TRIM33: variants seen among roughly 807,000 people sequenced by gnomAD.
TRIM33 encodes tripartite motif containing 33.
A neutral mutation model predicts 125.4 loss-of-function variants in TRIM33; 20 were observed. That is an observed-to-expected ratio of 0.16 (90% confidence interval 0.11 to 0.23). TRIM33 has a LOEUF of 0.23. TRIM33 is among the 10% of genes least tolerant of loss of function. The pLI is 1.00. For synonymous variants in TRIM33, 564 were observed against 513.9 expected (o/e 1.10, Z -1.32); for missense variants, 920 against 1,411.4 (o/e 0.65, Z 5.58).
intron 1 of TRIM33, among the ~76,000 whole-genome samples, chr1:114,470,579 T>G (rs1650576604): frequency 6.6e-6 from 1 of 152,076 alleles, no homozygotes; most frequent in African/African-American, 2.4e-5. Flanking sequence ...TAAATAACCC[T>G]GCAATGGCCT....
Position 114,510,801 on chromosome 1 carries a change from GC to G in TRIM33, c.275del (p.Gly92AlafsTer87). ...AASVGTGVAGGAVSTPAPAPA... is the reference protein window; with the variant it reads ...AASVGTGVAGXAVSTPAPAPA... ...GAGCTGGAGCCGGCGTCGATACTGC[GC>G]CCCCGGCAACTCCAGTGCCCACTGA... is the stretch of plus-strand genomic sequence containing the variant. On this transcript the variant is annotated frameshift_variant, in exon 1 of 20. Coordinates refer to ENST00000358465, the MANE Select transcript of TRIM33 (RefSeq NM_015906.4). LOFTEE classifies it high-confidence loss of function. 3 of 1,519,100 alleles carry G rather than the reference GC, an allele frequency of 2.0e-6. No individual in the cohort carries two copies. 94.1% of individuals were successfully genotyped at this position (1,519,100 alleles called of 1,614,324 possible). A position where few individuals can be genotyped will look rare whatever the true frequency, so the allele number is the denominator to read the frequency against.
chr1:114,489,455 CT>C (rs1218812777), intron 1 of TRIM33, among the ~76,000 whole-genome samples: 3 of 152,074 alleles, frequency 2.0e-5, no homozygotes, highest in Non-Finnish European at 2.9e-5. Flanking sequence ...AACTTAAAAA[CT>C]TTTGTGGCCA....
chr1:114,484,945 G>A (rs1237846152), intron 1 of TRIM33, among the ~76,000 whole-genome samples: 3 of 151,648 alleles, frequency 2.0e-5, no homozygotes, highest in Admixed American at 6.6e-5. Context: ...CCACCTACTC[G>A]GGAGGCTGAG....
At chr1:114,500,608 T>TAA (rs76991752) in intron 1 of TRIM33, among the ~76,000 whole-genome samples, 1 of 138,190 alleles carries the variant, frequency 7.2e-6, no homozygotes, top group Non-Finnish European at 1.6e-5. Context: ...ATTTTTTAAT[T>TAA]AAAAAAAAAA....
chr1:114,404,535 T>C (rs550588978), intron 15 of TRIM33: 1 of 152,272 alleles, frequency 6.6e-6, no homozygotes, highest in South Asian at 2.1e-4. Flanking sequence ...CAGTAAATAT[T>C]ACTACCCAAA....
chr1:114,502,100 AC>A (rs1450212094), intron 1 of TRIM33, among the ~76,000 whole-genome samples: 2 of 152,176 alleles, frequency 1.3e-5, no homozygotes, highest in Admixed American at 1.3e-4. Context: ...ATCTATAGTG[AC>A]CTATTTTTAG....
intron 4 of TRIM33, among the ~76,000 whole-genome samples, chr1:114,438,291 C>T (rs115831161): frequency 6.3e-4 from 96 of 152,240 alleles, no homozygotes; most frequent in African/African-American, 2.2e-3. Flanking sequence ...ATAAGAGAAC[C>T]TTTTTAATAA....
intron 4 of TRIM33, among the ~76,000 whole-genome samples, chr1:114,438,125 C>T (rs938851704): frequency 1.3e-5 from 2 of 152,128 alleles, no homozygotes; most frequent in Non-Finnish European, 2.9e-5. Context: ...CTTCAAACTT[C>T]TGAATGTACA....
chr1:114,456,652 T>C (rs1450222594), intron 4 of TRIM33, among the ~76,000 whole-genome samples: 1 of 152,174 alleles, frequency 6.6e-6, no homozygotes, highest in Non-Finnish European at 1.5e-5. Flanking sequence ...GAGATCCCAA[T>C]TTGCACTTAC....
chr1:114,422,480 T>A (rs573422026), intron 10 of TRIM33, among the ~76,000 whole-genome samples: 40 of 146,356 alleles, frequency 2.7e-4, no homozygotes, highest in African/African-American at 1.0e-3. Context: ...ATCTTTTGTA[T>A]GTGCTCTTTA....
intron 4 of TRIM33, among the ~76,000 whole-genome samples, chr1:114,441,616 G>C (rs1044249717): frequency 1.3e-5 from 2 of 152,180 alleles, no homozygotes; most frequent in Non-Finnish European, 2.9e-5. Context: ...AATAATCAGA[G>C]GTAAAGCTGC....
At chr1:114,487,941 T>C (rs1334923276) in intron 1 of TRIM33, among the ~76,000 whole-genome samples, 1 of 120,746 alleles carries the variant, frequency 8.3e-6, no homozygotes, top group East Asian at 2.3e-4. Context: ...TGAGAGTAAA[T>C]ATAATAGATT....
chr1:114,434,612 C>G (rs190244856), intron 4 of TRIM33, among the ~76,000 whole-genome samples: 18 of 152,202 alleles, frequency 1.2e-4, no homozygotes, highest in Middle Eastern at 3.4e-3. Context: ...ACTTTTATTT[C>G]CTTTTTGTAA....
rs543502892 is a variant in TRIM33 at position 114,435,180 on chromosome 1, C to G, written c.924-1447G>C. Among the ~76,000 whole-genome samples the G allele has an allele frequency of 3.0e-4, 45 of 151,968 alleles. 1 individual carries two copies. The highest frequency in any genetic ancestry group is 2.7e-3 in the Admixed American group (41 of 15,256). On this transcript the variant is annotated intron_variant, in intron 4 of 19. Transcript: ENST00000358465. ...ATCATCAAACAGAAATATAAAAGAC[C>G]CAAAGAAGGGAATAGAAGGGAAAGA...
In TRIM33 at chr1:114,397,590, TTTTTTTTTTTTTTTTCG is replaced by T; in HGVS notation, c.*41_*57del. Reference sequence around the variant, plus strand: ...TTAAAAGTTTTCTGGGTTTTTTGTGTTTTTTTTTTTTTTTTCGTTTTTTTTTTTTTAAACAATTGATT... The same window carrying T: ...TTAAAAGTTTTCTGGGTTTTTTGTGTTTTTTTTTTTTTTAAACAATTGATT... On this transcript the variant is annotated 3_prime_UTR_variant, in exon 20 of 20. Transcript: ENST00000358465. The T allele has an allele frequency of 1.2e-5, 7 of 582,160 alleles. No individual in the cohort carries two copies. Among genetic ancestry groups the T allele is most frequent in the South Asian group, 2.1e-5 (1 of 48,034 alleles). The allele number at this position is 582,160 out of a possible 1,614,324, so 36.1% of individuals were successfully genotyped here.
At chr1:114,500,470 C>A (rs1242507479) in intron 1 of TRIM33, among the ~76,000 whole-genome samples, 1 of 152,094 alleles carries the variant, frequency 6.6e-6, no homozygotes, top group African/African-American at 2.4e-5. Context: ...TCCTGAGTAG[C>A]TGGGACTACA....
chr1:114,413,059 G>A (rs1393086538), intron 11 of TRIM33, among the ~76,000 whole-genome samples: 1 of 152,196 alleles, frequency 6.6e-6, no homozygotes, highest in Non-Finnish European at 1.5e-5. Context: ...TAATAAGTAT[G>A]TCGTGGTACA....
At chr1:114,479,002 T>C (rs1032104860) in intron 1 of TRIM33, among the ~76,000 whole-genome samples, 1 of 151,932 alleles carries the variant, frequency 6.6e-6, no homozygotes, top group South Asian at 2.1e-4. Context: ...TGAGCCAAGG[T>C]TGCACCATTG....
intron 4 of TRIM33, among the ~76,000 whole-genome samples, chr1:114,454,268 T>C (rs1027732589): frequency 1.3e-5 from 2 of 152,050 alleles, no homozygotes; most frequent in Admixed American, 6.5e-5. Context: ...TACCCAGTCA[T>C]GGTATGGTTG....
Sources: gnomAD v4.1 joint callset for allele counts (sites outside exome capture counted in the v4.1 genomes callset) on GRCh38, gnomAD v4.1.1 for gene constraint, MANE v1.5 for transcripts, NCBI Gene and HGNC (gene_info 2026-07-23, HGNC 2026-07-21) for gene names.